CPEB2: variants seen among roughly 807,000 people sequenced by gnomAD.
CPEB2 encodes the protein cytoplasmic polyadenylation element-binding protein 2.
Under a neutral mutation model 93.6 loss-of-function variants are expected in CPEB2, and 56 were observed. The ratio of observed to expected loss-of-function variants is 0.60; its 90% CI spans 0.48 to 0.75. The LOEUF (loss-of-function observed/expected upper bound fraction) is 0.75, where lower values mean the gene tolerates loss of function less well. Ranked by LOEUF, CPEB2 falls within the 30% of genes least tolerant of loss-of-function variation. CPEB2 has a pLI of 0.00. For missense variants in CPEB2, 1,579 were observed against 1,395.1 expected, an observed-to-expected ratio of 1.13 and a Z score of -2.10; for synonymous variants, 764 against 586.3, an observed-to-expected ratio of 1.30 and a Z score of -4.38.
intron 6 of CPEB2, among the ~76,000 whole-genome samples, chr4:15,051,070 A>G (rs1197339192): frequency 6.6e-6 from 1 of 152,106 alleles, no homozygotes; most frequent in Admixed American, 6.6e-5. Context: ...ATCATTTTCT[A>G]AAGTCTTCCT....
intron 6 of CPEB2, among the ~76,000 whole-genome samples, chr4:15,043,536 A>T (rs1255506120): frequency 1.3e-5 from 2 of 152,130 alleles, no homozygotes; most frequent in Non-Finnish European, 2.9e-5. Flanking sequence ...TTCCATTCTG[A>T]GAGTGAACAT....
At chr4:15,040,531 G>A (rs1302074365) in intron 6 of CPEB2, 44 bp downstream of exon 6, 28 of 1,493,788 alleles carry the variant, frequency 1.9e-5, no homozygotes, top group East Asian at 1.5e-4. Context: ...TTCTAATGGG[G>A]TTTACTGATC....
At chr4:15,029,150 T>C (rs1270892093) in intron 4 of CPEB2, among the ~76,000 whole-genome samples, 1 of 152,118 alleles carries the variant, frequency 6.6e-6, no homozygotes, top group Non-Finnish European at 1.5e-5. Flanking sequence ...TGCCTAGACA[T>C]CACATTTGTG....
At position 15,007,318 on chromosome 4, in the gene CPEB2, A is replaced by G; in HGVS notation, c.1676A>G (p.Gln559Arg). 6.7e-7 allele frequency: 1 copy of G among 1,497,584 alleles called. No homozygotes were observed. The highest frequency in any genetic ancestry group is 9.0e-7 in the Non-Finnish European group (1 of 1,114,276). The allele number at this position is 1,497,584 out of a possible 1,614,324, so 92.8% of individuals were successfully genotyped here. A position where few individuals can be genotyped will look rare whatever the true frequency, so the allele number is the denominator to read the frequency against. ...SYNHHQPLLK[Q>R]SPWSNHQSSG... ...TGTTTTCCCTAGCCTCTTCTGAAACAGTCTCCCTGGAGCAACCATCAGAGC... is the reference window on the plus strand; with the variant it reads ...TGTTTTCCCTAGCCTCTTCTGAAACGGTCTCCCTGGAGCAACCATCAGAGC... Residue 559 changes from glutamine to arginine, a missense_variant, in exon 2 of 12, where the codon CAG becomes CGG. Gln to Arg is a conservative substitution (Grantham distance 43). Around this residue, in one of 2 missense-constraint regions of CPEB2, gnomAD observed 1,411 missense variants for 1,056.0 expected, o/e 1.34. Transcript: ENST00000538197.
At chr4:15,038,463 G>T (rs534597397) in intron 5 of CPEB2, among the ~76,000 whole-genome samples, 1 of 152,040 alleles carries the variant, frequency 6.6e-6, no homozygotes, top group African/African-American at 2.4e-5. Flanking sequence ...ATTTATACTG[G>T]ATTAATACCA....
At chr4:15,028,938 A>G (rs1248626261) in intron 4 of CPEB2, among the ~76,000 whole-genome samples, 2 of 152,268 alleles carry the variant, frequency 1.3e-5, no homozygotes, top group African/African-American at 4.8e-5. Flanking sequence ...CAGATAATAC[A>G]TTTAAAGTGG....
intron 2 of CPEB2, 50 bp from the exon 3 acceptor site, chr4:15,008,288 A>G (rs749096484): frequency 4.8e-6 from 6 of 1,252,700 alleles, no homozygotes; most frequent in Admixed American, 1.7e-5. Flanking sequence ...TTGGGTGGGT[A>G]TGGGGAAGAC....
At chr4:15,065,821 G>A (rs1012885664) in intron 11 of CPEB2, among the ~76,000 whole-genome samples, 1 of 152,100 alleles carries the variant, frequency 6.6e-6, no homozygotes, top group South Asian at 2.1e-4. Context: ...ACTGGAATGA[G>A]GGGAAAAGGT....
intron 4 of CPEB2, among the ~76,000 whole-genome samples, chr4:15,022,043 A>G (rs1390784927): frequency 2.0e-5 from 3 of 152,164 alleles, no homozygotes; most frequent in East Asian, 1.9e-4. Context: ...ATAAATTTCT[A>G]AAAGTCTCCA....
At chr4:15,037,684 CAT>C (rs1367313135) in intron 5 of CPEB2, among the ~76,000 whole-genome samples, 6 of 152,294 alleles carry the variant, frequency 3.9e-5, no homozygotes, top group East Asian at 3.9e-4. Flanking sequence ...TAAGGACACA[CAT>C]GTGTCAGTAA....
chr4:15,043,472 T>C (rs1178295935), intron 6 of CPEB2, among the ~76,000 whole-genome samples: 1 of 152,114 alleles, frequency 6.6e-6, no homozygotes, highest in Non-Finnish European at 1.5e-5. Context: ...CTGACTTTAA[T>C]ATATGGAAAA....
chr4:15,012,293 G>C (rs1723594957), intron 3 of CPEB2, among the ~76,000 whole-genome samples: 1 of 152,006 alleles, frequency 6.6e-6, no homozygotes, highest in Non-Finnish European at 1.5e-5. Context: ...TTTTCCACTT[G>C]TCTATTTTAA....
intron 4 of CPEB2, among the ~76,000 whole-genome samples, chr4:15,020,466 T>C (rs1426622097): frequency 6.6e-6 from 1 of 152,130 alleles, no homozygotes; most frequent in African/African-American, 2.4e-5. Flanking sequence ...TGAGGACTGG[T>C]GATTGTGCTA....
At position 15,003,118 on chromosome 4, in the gene CPEB2, T is replaced by C; in HGVS notation, c.445T>C (p.Ser149Pro). ...DFKPSLHHPSSSSASSCCCCR... is the reference protein window; with the variant it reads ...DFKPSLHHPSPSSASSCCCCR... ...CAAACCGAGTCTGCACCACCCCTCCTCCTCCTCCGCCTCCTCCTGCTGCTG... is the reference window on the plus strand; with the variant it reads ...CAAACCGAGTCTGCACCACCCCTCCCCCTCCTCCGCCTCCTCCTGCTGCTG... The change falls in exon 1 of 12, where the codon TCC (serine) becomes CCC (proline). Residue 149 changes from serine to proline, a missense_variant. By Grantham distance (74) the Ser-to-Pro change is moderately conservative. Coordinates refer to ENST00000538197, the MANE Select transcript of CPEB2 (RefSeq NM_001177382.2). 6.5e-7 allele frequency: 1 copy of C among 1,530,598 alleles called. No individual in the cohort carries two copies. The highest frequency in any genetic ancestry group is 8.7e-7 in the Non-Finnish European group (1 of 1,145,140). The allele number at this position is 1,530,598 out of a possible 1,614,324, so 94.8% of individuals were successfully genotyped here.
At chr4:15,007,707 G>A (rs1460729244) in intron 2 of CPEB2, 121 bp downstream of exon 2, 7 of 565,660 alleles carry the variant, frequency 1.2e-5, no homozygotes, top group Non-Finnish European at 1.9e-5. Context: ...TAATTTTTAA[G>A]CATGTAATTT....
In CPEB2 at chr4:15,002,829, G is replaced by C. The variant is rs1478592341; in HGVS notation, c.156G>C (p.Pro52=). 10 of 1,535,090 alleles carry C rather than the reference G, an allele frequency of 6.5e-6. No homozygotes were observed. Among genetic ancestry groups the C allele is most frequent in the East Asian group, 2.5e-5 (1 of 40,774 alleles). ...CCTTCGGCCCACTGTCGCCACCACC[G>C]TTGCCTGTCACCGGCTTCTTAGAGG... ...ATPFGPLSPP[P]LPVTGFLEAA... The change falls in exon 1 of 12, where the codon CCG becomes CCC. Residue 52 remains proline (P), a synonymous_variant. Coordinates refer to ENST00000538197, the MANE Select transcript of CPEB2 (RefSeq NM_001177382.2).
chr4:15,061,748 T>A (rs1290989739), intron 10 of CPEB2, among the ~76,000 whole-genome samples: 1 of 145,830 alleles, frequency 6.9e-6, no homozygotes, highest in African/African-American at 2.6e-5. Context: ...GCTGAAGCAG[T>A]GTCCTAAGTG....
chr4:15,014,135 C>T (rs1045979635), intron 3 of CPEB2, among the ~76,000 whole-genome samples: 1 of 152,006 alleles, frequency 6.6e-6, no homozygotes, highest in South Asian at 2.1e-4. Context: ...GTAGAGGGTA[C>T]TTTCCCCTAC....
Position 15,003,956 on chromosome 4 carries a change from G to C in CPEB2, c.1283G>C (p.Gly428Ala). 1 of 1,301,400 alleles carries C rather than the reference G, an allele frequency of 7.7e-7. No individual in the cohort carries two copies. The highest frequency in any genetic ancestry group is 9.9e-7 in the Non-Finnish European group (1 of 1,010,386). The allele number at this position is 1,301,400 out of a possible 1,614,324, so 80.6% of individuals were successfully genotyped here. A position where few individuals can be genotyped will look rare whatever the true frequency, so the allele number is the denominator to read the frequency against. The change falls in exon 1 of 12, where the codon GGC becomes GCC. Residue 428 changes from glycine to alanine, a missense_variant. Physicochemically the swap from Gly to Ala is moderately conservative, Grantham distance 60. Around this residue, in one of 2 missense-constraint regions of CPEB2, gnomAD observed 1,411 missense variants for 1,056.0 expected, o/e 1.34. Transcript: ENST00000538197. Reference sequence around the variant, plus strand: ...CCCGGCTCGTCTGCCACCACCCCGGGCGGCGGCAGCGGCGGCTCGCTCAGC... The same window carrying C: ...CCCGGCTCGTCTGCCACCACCCCGGCCGGCGGCAGCGGCGGCTCGCTCAGC... The part of the protein sequence containing the change: ...QPPGSSATTP[G>A]GGSGGSLSAM...
Sources: gnomAD v4.1 joint callset for allele counts (sites outside exome capture counted in the v4.1 genomes callset) on GRCh38, gnomAD v4.1.1 for gene constraint, gnomAD v4.1.1 regional missense constraint, MANE v1.5 for transcripts, NCBI Gene and HGNC (gene_info 2026-07-23, HGNC 2026-07-21) for gene names.